The following NFATC4 variants were observed in gnomAD, a reference collection of about 807,000 sequenced individuals.
NFATC4 encodes nuclear factor of activated T cells 4, also known as nuclear factor of activated T-cells, cytoplasmic 4.
Under a neutral mutation model 73.4 loss-of-function variants are expected in NFATC4, and 25 were observed. The ratio of observed to expected loss-of-function variants is 0.34; its 90% confidence interval spans 0.25 to 0.48. The LOEUF (loss-of-function observed/expected upper bound fraction) is 0.48, where lower values mean the gene tolerates loss of function less well. NFATC4 is among the 20% of genes least tolerant of loss of function. NFATC4 has a pLI of 0.99. For synonymous variants in NFATC4, 523 were observed against 510.3 expected (o/e 1.02, Z -0.34); for missense variants, 1,130 against 1,203.7 (o/e 0.94, Z 0.91).
chr14:24,367,575 G>A (rs1012075434), upstream of NFATC4: 89 of 1,536,054 alleles, frequency 5.8e-5, no homozygotes, highest in Non-Finnish European at 7.4e-5. Context: ...CATCTTTGGG[G>A]GTCCTGGAGG....
rs1166944400 is a variant in NFATC4, at chr14:24,377,470, G to C, written c.2642-168G>C. 2.1e-5 allele frequency: 30 copies of C among 1,442,138 alleles called. No homozygotes were observed. Among genetic ancestry groups the C allele is most frequent in the Non-Finnish European group, 2.6e-5 (29 of 1,100,986 alleles). 89.3% of individuals were successfully genotyped at this position (1,442,138 alleles called of 1,614,324 possible). ...TTGGGCAAGATTTGATTCGGAGCAG[G>C]TGTCAAGACGTGTTGGGGAAACTGA... On this transcript the variant is annotated intron_variant, in intron 9 of 9. Coordinates refer to ENST00000250373, the MANE Select transcript of NFATC4 (RefSeq NM_004554.5). This position sits in a 1 kb window ranked among gnomAD's most constrained non-coding sequence, Gnocchi z 4.2.
Position 24,373,286 on chromosome 14 carries a change from T to C in NFATC4, c.1475T>C (p.Val492Ala). 6.2e-7 allele frequency: 1 copy of C among 1,614,210 alleles called. No individual in the cohort carries two copies. Among genetic ancestry groups the C allele is most frequent in the Non-Finnish European group, 8.5e-7 (1 of 1,180,046 alleles). ...YQVHRITGKM[V>A]ATASYEAVVS... ...GTGCACCGTATCACAGGCAAGATGG[T>C]GGCCACGGCCAGCTATGAAGCCGTA... Residue 492 changes from valine to alanine, a missense_variant, in exon 4 of 10, where the codon GTG (valine) becomes GCG (alanine). Around this residue, in one of 3 missense-constraint regions of NFATC4, gnomAD observed 155 missense variants for 221.2 expected, o/e 0.70. Coordinates refer to ENST00000250373, the MANE Select transcript of NFATC4 (RefSeq NM_004554.5). This position sits in a 1 kb window ranked among gnomAD's most constrained non-coding sequence, Gnocchi z 4.7.
At position 24,368,574 on chromosome 14, in the gene NFATC4, CGTT is replaced by C. The variant is rs543839126; in HGVS notation, c.100+136_100+138del. 3,858 of 747,006 alleles carry C rather than the reference CGTT, an allele frequency of 5.2e-3. 16 individuals are homozygous for C. The highest frequency in any genetic ancestry group is 6.3e-3 in the Admixed American group (89 of 14,092). 46.3% of individuals were successfully genotyped at this position (747,006 alleles called of 1,614,324 possible). ...GAGGTCGAAGGGAGTCGGGGGGACT[CGTT>C]GGCCTGCGGAAGTGAGGCTGGGGGC... On this transcript the variant is annotated intron_variant, in intron 1 of 9. Coordinates refer to ENST00000250373, the MANE Select transcript of NFATC4 (RefSeq NM_004554.5).
Position 24,369,551 on chromosome 14 carries a change from C to T in NFATC4, c.153C>T (p.Pro51=), listed in dbSNP as rs1268333072. The part of the protein sequence containing the change: ...PPCCRLALGE[P]PPYGAAPIGI... ...GCTGCCGTCTGGCCTTGGGAGAGCC[C>T]CCTCCCTATGGCGCTGCACCTATCG... The change falls in exon 2 of 10, where the codon CCC becomes CCT. Residue 51 remains proline (P), a synonymous_variant. Coordinates refer to ENST00000250373, the MANE Select transcript of NFATC4 (RefSeq NM_004554.5). 9.3e-6 allele frequency: 15 copies of T among 1,610,180 alleles called. No individual in the cohort carries two copies. The highest frequency in any genetic ancestry group is 3.3e-5 in the Admixed American group (2 of 59,862).
chr14:24,367,944 C>T, upstream of NFATC4: 1 of 1,242,808 alleles, frequency 8.0e-7, no homozygotes, highest in Non-Finnish European at 1.0e-6. Flanking sequence ...CAACGGCGGA[C>T]CAATAGGCAA....
At chr14:24,367,199 T>G, upstream of NFATC4, 2 of 1,612,044 alleles carry the variant, frequency 1.2e-6, no homozygotes, top group Non-Finnish European at 1.7e-6. Context: ...AGGTCTTCCT[T>G]CCTCCTCCAG....
In NFATC4 at chr14:24,378,229, A is replaced by C. The variant is rs983356917; in HGVS notation, c.*524A>C. On this transcript the variant is annotated 3_prime_UTR_variant, in exon 10 of 10. Transcript: ENST00000250373. ...CATGAGGGGGCTCAGAGGCTCCTTG[A>C]CTGGGACCAGGATTGGGGGCCAGGG... 7.4e-5 allele frequency: 12 copies of C among 162,236 alleles called. No homozygotes were observed. The highest frequency in any genetic ancestry group is 1.6e-4 in the Non-Finnish European group (12 of 72,736). The allele number at this position is 162,236 out of a possible 1,614,324, so 10.0% of individuals were successfully genotyped here. A position where few individuals can be genotyped will look rare whatever the true frequency, so the allele number is the denominator to read the frequency against.
rs377261658 is a variant in NFATC4, at chr14:24,373,834, T to G, written c.1699T>G (p.Ser567Ala). Reference protein sequence around the residue: ...HVPQGGGKVVSVQAASVPIEC... With the variant: ...HVPQGGGKVVAVQAASVPIEC... ...GCCCCAGGGCGGCGGGAAGGTCGTC[T>G]CAGTACAGGCAGCATCGGTGCCCAT... is the stretch of plus-strand genomic sequence containing the variant. Residue 567 changes from serine (S) to alanine (A), a missense_variant, in exon 5 of 10, where the codon TCA becomes GCA. Physicochemically the swap from Ser to Ala is moderately conservative, Grantham distance 99 (BLOSUM62 1). Around this residue, in one of 3 missense-constraint regions of NFATC4, gnomAD observed 155 missense variants for 221.2 expected, o/e 0.70. Coordinates refer to ENST00000250373, the MANE Select transcript of NFATC4 (RefSeq NM_004554.5). The surrounding 1 kb of genome is among the most constrained non-coding windows in gnomAD (Gnocchi z 4.7). The G allele has an allele frequency of 1.1e-5, 18 of 1,614,042 alleles. No homozygotes were observed. Among genetic ancestry groups the G allele is most frequent in the African/African-American group, 1.1e-4 (8 of 75,042 alleles).
At chr14:24,368,549 G>T in intron 1 of NFATC4, 109 bp downstream of exon 1, 1 of 1,121,980 alleles carries the variant, frequency 8.9e-7, no homozygotes, top group South Asian at 4.6e-5. Flanking sequence ...GAGGGAGTCA[G>T]AGGTCGAAGG....
At chr14:24,372,281 A>T (rs1208247371) in intron 2 of NFATC4, 160 bp from the exon 3 acceptor site, 5 of 756,600 alleles carry the variant, frequency 6.6e-6, no homozygotes, top group Non-Finnish European at 1.0e-5. Flanking sequence ...TTTAAAAAAA[A>T]TTCTTTTTTC....
chr14:24,369,635 C>T lies in NFATC4; in HGVS notation c.237C>T (p.Ala79=). ...TGCATTCGCCACCGCCGCGACCAGC[C>T]CCCTCACCTGGCACCTGGGAGAGCC... ...PGMHSPPPRP[A]PSPGTWESQP... Residue 79 remains alanine, a synonymous_variant, in exon 2 of 10, where the codon GCC becomes GCT. Coordinates refer to ENST00000250373, the MANE Select transcript of NFATC4 (RefSeq NM_004554.5). 1 of 1,613,238 alleles carries T rather than the reference C, an allele frequency of 6.2e-7. No homozygotes were observed. The highest frequency in any genetic ancestry group is 8.5e-7 in the Non-Finnish European group (1 of 1,179,834).
chr14:24,372,444 C>T lies in NFATC4; in HGVS notation c.1200C>T (p.Thr400=), dbSNP rs757576453. Residue 400 remains threonine, a synonymous_variant, in exon 3 of 10, where the codon ACC becomes ACT. Transcript: ENST00000250373. ...AATGCTCTTCTCTCCCACCCAGGACCTCTGCCCTACCCCCACTGGACTGGC... is the reference window on the plus strand; with the variant it reads ...AATGCTCTTCTCTCCCACCCAGGACTTCTGCCCTACCCCCACTGGACTGGC... ...RIGGHSPIFR[T]SALPPLDWPL... 1.2e-6 allele frequency: 2 copies of T among 1,613,128 alleles called. No individual in the cohort carries two copies.
In NFATC4 at chr14:24,378,092, G is replaced by T; in HGVS notation, c.*387G>T. The T allele has an allele frequency of 8.6e-6, 2 of 232,818 alleles. No individual in the cohort carries two copies. Among genetic ancestry groups the T allele is most frequent in the South Asian group, 8.4e-5 (1 of 11,916 alleles). The allele number at this position is 232,818 out of a possible 1,614,324, so 14.4% of individuals were successfully genotyped here. ...CAGAGCTCTTTGGAGAGATGGGTTG[G>T]GGCAGCTTACTCCAGCCCTGGCCCA... On this transcript the variant is annotated 3_prime_UTR_variant, in exon 10 of 10. Coordinates refer to ENST00000250373, the MANE Select transcript of NFATC4 (RefSeq NM_004554.5).
chr14:24,374,322 G>GCAGCCCAGCGCT lies in NFATC4; in HGVS notation c.1738_1749dup. 6.2e-7 allele frequency: 1 copy of GCAGCCCAGCGCT among 1,608,060 alleles called. No homozygotes were observed. Among genetic ancestry groups the GCAGCCCAGCGCT allele is most frequent in the Non-Finnish European group, 8.5e-7 (1 of 1,177,122 alleles). On this transcript the variant is annotated splice_region_variant and splice_polypyrimidine_tract_variant and intron_variant, in intron 5 of 9. Coordinates refer to ENST00000250373, the MANE Select transcript of NFATC4 (RefSeq NM_004554.5). ...CCAGTCCTCTTCCTTGCACTGCTCT[G>GCAGCCCAGCGCT]CAGCCCAGCGCTCAGCCCAGGAGCT...
intron 1 of NFATC4, chr14:24,369,158 T>A (rs2042391845): frequency 6.8e-7 from 1 of 1,471,052 alleles, no homozygotes; most frequent in Non-Finnish European, 8.9e-7. Flanking sequence ...GGTTCATGTG[T>A]GAGTCGCCCC....
chr14:24,373,341 T>C lies in NFATC4; in HGVS notation c.1530T>C (p.Thr510=). 1 of 1,614,146 alleles carries C rather than the reference T, an allele frequency of 6.2e-7. No individual in the cohort carries two copies. Among genetic ancestry groups the C allele is most frequent in the Non-Finnish European group, 8.5e-7 (1 of 1,180,040 alleles). ...GTGGCACCAAGGTGTTGGAGATGAC[T>C]CTGCTGCCTGAGAACAACATGGCGG... ...VVSGTKVLEM[T]LLPENNMAAN... Residue 510 remains threonine (T), a synonymous_variant, in exon 4 of 10, where the codon ACT becomes ACC. Transcript: ENST00000250373. The surrounding 1 kb of genome is among the most constrained non-coding windows in gnomAD (Gnocchi z 4.7).
chr14:24,368,344 G>A lies in NFATC4; in HGVS notation c.4G>A (p.Gly2Arg). 7.2e-7 allele frequency: 1 copy of A among 1,388,160 alleles called. No individual in the cohort carries two copies. The highest frequency in any genetic ancestry group is 9.3e-7 in the Non-Finnish European group (1 of 1,072,254). The allele number at this position is 1,388,160 out of a possible 1,614,324, so 86.0% of individuals were successfully genotyped here. A position where few individuals can be genotyped will look rare whatever the true frequency, so the allele number is the denominator to read the frequency against. The part of the protein sequence containing the change: M[G>R]AASCEDEELE... ...CCTGGGGGCTCCTGCCGGATCCATGGGGGCGGCCAGCTGCGAGGATGAGGA... is the reference window on the plus strand; with the variant it reads ...CCTGGGGGCTCCTGCCGGATCCATGAGGGCGGCCAGCTGCGAGGATGAGGA... The change falls in exon 1 of 10, where the codon GGG becomes AGG. Residue 2 changes from glycine to arginine, a missense_variant. Coordinates refer to ENST00000250373, the MANE Select transcript of NFATC4 (RefSeq NM_004554.5).
intron 2 of NFATC4, among the ~76,000 whole-genome samples, 168 bp downstream of exon 2, chr14:24,370,762 A>C (rs2042454431): frequency 6.6e-6 from 1 of 152,204 alleles, no homozygotes; most frequent in Non-Finnish European, 1.5e-5. Flanking sequence ...AGAACTAGAA[A>C]AAAAAGTGCA....
chr14:24,369,224 C>G (rs1379735302), intron 1 of NFATC4: 1 of 1,533,678 alleles, frequency 6.5e-7, no homozygotes, highest in African/African-American at 1.4e-5. Flanking sequence ...CAGCTCCAGC[C>G]CCTCTGGACC....
Sources: gnomAD v4.1 joint callset for allele counts (sites outside exome capture counted in the v4.1 genomes callset) on GRCh38, gnomAD v4.1.1 for gene constraint, gnomAD v4.1.1 regional missense constraint, Gnocchi (gnomAD v3.1) non-coding constraint, MANE v1.5 for transcripts, NCBI Gene and HGNC (gene_info 2026-07-23, HGNC 2026-07-21) for gene names.